Variants in NRG1 observed in about 807,000 individuals in gnomAD.
NRG1 encodes neuregulin 1, also known as pro-neuregulin-1, membrane-bound isoform.
A neutral mutation model predicts 63.8 loss-of-function variants in NRG1; 18 were observed. The observed-to-expected ratio is 0.28, with a 90% CI of 0.19 to 0.42. The LOEUF (loss-of-function observed/expected upper bound fraction) is 0.42. Ranked by LOEUF, NRG1 falls within the 10% of genes least tolerant of loss-of-function variation. The pLI, the probability that NRG1 is intolerant of heterozygous loss-of-function variation, is 1.00. For synonymous variants in NRG1, 302 were observed against 301.3 expected (o/e 1.00, Z -0.02); for missense variants, 762 against 814.7 (o/e 0.94, Z 0.79).
At chr8:32,500,201 C>G (rs777927606) in intron 1 of NRG1, among the ~76,000 whole-genome samples, 9 of 152,126 alleles carry the variant, frequency 5.9e-5, no homozygotes, top group Non-Finnish European at 8.8e-5. Context: ...TGTGTTTGCT[C>G]TTCTGGAACT....
intron 1 of NRG1, among the ~76,000 whole-genome samples, chr8:31,653,920 T>A (rs1805157894): frequency 6.6e-6 from 1 of 151,814 alleles, no homozygotes; most frequent in Non-Finnish European, 1.5e-5. Flanking sequence ...TTCTCAGGCT[T>A]TATCACTGCT....
intron 1 of NRG1, among the ~76,000 whole-genome samples, chr8:32,419,016 A>G (rs1276484833): frequency 1.3e-5 from 2 of 152,232 alleles, no homozygotes; most frequent in Non-Finnish European, 2.9e-5. Context: ...GTTGGAAATC[A>G]TCATGGAAAA....
At chr8:31,854,554 A>G (rs1368840731) in intron 1 of NRG1, among the ~76,000 whole-genome samples, 3 of 151,906 alleles carry the variant, frequency 2.0e-5, no homozygotes, top group Non-Finnish European at 4.4e-5. Context: ...GATCCTTTCA[A>G]AAAACCAGCT....
chr8:31,858,431 A>G (rs1828152326), intron 1 of NRG1, among the ~76,000 whole-genome samples: 1 of 152,198 alleles, frequency 6.6e-6, no homozygotes, highest in Non-Finnish European at 1.5e-5. Context: ...AGAAAATTAA[A>G]AAATCATTAT....
chr8:32,398,785 G>T (rs1448680797), intron 1 of NRG1, among the ~76,000 whole-genome samples: 2 of 152,126 alleles, frequency 1.3e-5, no homozygotes, highest in Non-Finnish European at 2.9e-5. Flanking sequence ...GGTGGTGCAA[G>T]TTATCTCCCA....
At chr8:31,761,323 G>A (rs1192537045) in intron 1 of NRG1, among the ~76,000 whole-genome samples, 3 of 151,840 alleles carry the variant, frequency 2.0e-5, no homozygotes, top group Non-Finnish European at 2.9e-5. Flanking sequence ...GAGTGGGGAG[G>A]GATAGCATTA....
intron 1 of NRG1, among the ~76,000 whole-genome samples, chr8:31,851,284 A>T (rs1284652773): frequency 6.6e-6 from 1 of 152,156 alleles, no homozygotes; most frequent in Non-Finnish European, 1.5e-5. Context: ...GCAAAAGGAA[A>T]TATTTATGCA....
At chr8:31,676,752 C>G (rs1807745123) in intron 1 of NRG1, among the ~76,000 whole-genome samples, 1 of 152,236 alleles carries the variant, frequency 6.6e-6, no homozygotes, top group Non-Finnish European at 1.5e-5. Flanking sequence ...GCAGCTACCA[C>G]TTCCTGCCAT....
At chr8:31,853,052 C>G (rs1248800681) in intron 1 of NRG1, among the ~76,000 whole-genome samples, 3 of 151,862 alleles carry the variant, frequency 2.0e-5, no homozygotes, top group Non-Finnish European at 2.9e-5. Flanking sequence ...TGTGATGCCT[C>G]CAGCTTTGTT....
intron 1 of NRG1, among the ~76,000 whole-genome samples, chr8:31,983,525 G>T (rs890205541): frequency 6.6e-6 from 1 of 151,994 alleles, no homozygotes. Context: ...GACTACAGGA[G>T]TATGCCACCA....
At chr8:31,890,060 A>G (rs116946875) in intron 1 of NRG1, among the ~76,000 whole-genome samples, 3,976 of 152,312 alleles carry the variant, frequency 0.026, 75 homozygotes, top group Middle Eastern at 0.044. Flanking sequence ...TGTTCTGTAC[A>G]TTGCAGGATG....
chr8:32,330,306 C>T (rs570161519), intron 1 of NRG1, among the ~76,000 whole-genome samples: 20 of 152,278 alleles, frequency 1.3e-4, no homozygotes, highest in Admixed American at 9.8e-4. Flanking sequence ...AGTTGTACTA[C>T]TTTGAATGAA....
intron 1 of NRG1, among the ~76,000 whole-genome samples, chr8:31,708,084 A>G (rs1811329777): frequency 6.6e-6 from 1 of 152,150 alleles, no homozygotes; most frequent in East Asian, 1.9e-4. Context: ...CCATCTGTAC[A>G]GTCCTAGAGT....
intron 1 of NRG1, among the ~76,000 whole-genome samples, chr8:31,907,082 C>A (rs1053909399): frequency 1.3e-5 from 2 of 152,082 alleles, no homozygotes; most frequent in South Asian, 4.1e-4. Flanking sequence ...TGTTTTGGGG[C>A]CCACTGACTG....
chr8:32,121,673 A>G (rs1833467663), intron 1 of NRG1, among the ~76,000 whole-genome samples: 1 of 151,958 alleles, frequency 6.6e-6, no homozygotes, highest in Non-Finnish European at 1.5e-5. Context: ...GAAACAAACT[A>G]TTTTGAGACC....
intron 1 of NRG1, among the ~76,000 whole-genome samples, chr8:32,184,001 G>C (rs1346133815): frequency 6.6e-6 from 1 of 152,024 alleles, no homozygotes; most frequent in Non-Finnish European, 1.5e-5. Context: ...AGGGTATATA[G>C]TTTAGAATGT....
chr8:32,266,657 A>G (rs1308135981), intron 1 of NRG1, among the ~76,000 whole-genome samples: 4 of 152,172 alleles, frequency 2.6e-5, no homozygotes. Flanking sequence ...TATTGTTAAA[A>G]ATACAGTGTA....
At chr8:32,515,584 A>C (rs1188897145) in intron 1 of NRG1, among the ~76,000 whole-genome samples, 1 of 151,976 alleles carries the variant, frequency 6.6e-6, no homozygotes, top group Non-Finnish European at 1.5e-5. Flanking sequence ...CTGGAACTAC[A>C]TATGTGTGCC....
intron 1 of NRG1, among the ~76,000 whole-genome samples, chr8:32,104,507 A>G (rs1025767358): frequency 1.3e-5 from 2 of 152,168 alleles, no homozygotes; most frequent in Non-Finnish European, 2.9e-5. Context: ...TCTTTCTTCA[A>G]TAATAAATTA....
Sources: allele counts gnomAD v4.1 joint callset (sites outside exome capture counted in the v4.1 genomes callset), GRCh38; gene constraint gnomAD v4.1.1; transcripts MANE v1.5; gene names NCBI Gene and HGNC (gene_info 2026-07-23, HGNC 2026-07-21).